MYH11: variants seen among roughly 807,000 people sequenced by gnomAD.
MYH11 encodes myosin-11.
Under a neutral mutation model 246.6 loss-of-function variants are expected in MYH11, and 80 were observed. The observed-to-expected ratio is 0.32, with a 90% confidence interval of 0.27 to 0.39. The LOEUF (loss-of-function observed/expected upper bound fraction) is 0.39, where lower values mean the gene tolerates loss of function less well. Ranked by LOEUF, MYH11 falls within the 10% of genes least tolerant of loss-of-function variation. The pLI, the probability that MYH11 is intolerant of heterozygous loss-of-function variation, is 1.00. For synonymous variants in MYH11, 1,071 were observed against 1,015.5 expected, an observed-to-expected ratio of 1.05 and a Z score of -1.04; for missense variants, 2,158 against 2,546.8, an observed-to-expected ratio of 0.85 and a Z score of 3.29.
intron 25 of MYH11, among the ~76,000 whole-genome samples, chr16:15,735,832 ATG>A (rs2041102436): frequency 6.6e-6 from 1 of 152,250 alleles, no homozygotes; most frequent in Non-Finnish European, 1.5e-5. Context: ...ACGTGTGTGC[ATG>A]TGTGTGCAAG....
At chr16:15,725,537 C>T (rs2040711111) in intron 28 of MYH11, 1 of 415,596 alleles carries the variant, frequency 2.4e-6, no homozygotes, top group South Asian at 9.9e-5. Flanking sequence ...CTTTTACTCC[C>T]TAGTGTCTCT....
At chr16:15,781,417 G>A (rs796588139) in intron 6 of MYH11, among the ~76,000 whole-genome samples, 1 of 152,178 alleles carries the variant, frequency 6.6e-6, no homozygotes, top group African/African-American at 2.4e-5. Context: ...ATGTGCATTT[G>A]CTCAGCAGAG....
In MYH11 at chr16:15,758,651, A is replaced by G. The variant is rs540680332; in HGVS notation, c.1402-651T>C. Among the ~76,000 whole-genome samples, 4 of 152,098 alleles carry G rather than the reference A, an allele frequency of 2.6e-5. No individual in the cohort carries two copies. In the South Asian group the frequency reaches 8.3e-4, roughly 32 times the overall value. ...AAACTCTGTCTCTACCAAAAAAAAA[A>G]AAAAAAGTAGCCAGGCATGGTGGCA... On this transcript the variant is annotated intron_variant, in intron 12 of 40. Transcript: ENST00000300036.
At chr16:15,781,904 T>C (rs995062129) in intron 6 of MYH11, among the ~76,000 whole-genome samples, 1 of 152,196 alleles carries the variant, frequency 6.6e-6, no homozygotes, top group African/African-American at 2.4e-5. Flanking sequence ...AGAGTAATTG[T>C]ACACAGTAGG....
At chr16:15,751,316 C>T (rs377360749) in intron 15 of MYH11, among the ~76,000 whole-genome samples, 4 of 152,020 alleles carry the variant, frequency 2.6e-5, no homozygotes, top group Admixed American at 6.6e-5. Flanking sequence ...TGCGCCACCA[C>T]GCCCGGCTCA....
intron 2 of MYH11, among the ~76,000 whole-genome samples, chr16:15,830,027 C>G (rs894713612): frequency 5.3e-5 from 8 of 151,928 alleles, no homozygotes; most frequent in African/African-American, 1.9e-4. Flanking sequence ...CCCAGCTACT[C>G]GGGAAGCTGA....
chr16:15,766,354 TG>T (rs2041981432), intron 9 of MYH11, among the ~76,000 whole-genome samples: 1 of 135,046 alleles, frequency 7.4e-6, no homozygotes, highest in African/African-American at 2.8e-5. Flanking sequence ...GGTGTGTGTG[TG>T]TGTGTGTGTG....
chr16:15,721,860 G>A (rs1326978102), intron 31 of MYH11, among the ~76,000 whole-genome samples: 1 of 151,928 alleles, frequency 6.6e-6, no homozygotes. Flanking sequence ...TTGTTGGTTT[G>A]TGTGTTTGTT....
At chr16:15,822,997 G>A (rs926178105) in intron 3 of MYH11, among the ~76,000 whole-genome samples, 4 of 152,278 alleles carry the variant, frequency 2.6e-5, no homozygotes, top group Non-Finnish European at 5.9e-5. Context: ...CAGCTGGCCC[G>A]ACGGGGACCT....
chr16:15,822,637 C>G (rs1461090536), intron 3 of MYH11, among the ~76,000 whole-genome samples: 1 of 152,182 alleles, frequency 6.6e-6, no homozygotes, highest in Non-Finnish European at 1.5e-5. Flanking sequence ...ATTGCTTGAG[C>G]CCAGGAGGCG....
chr16:15,839,870 G>A (rs111845166), intron 1 of MYH11, among the ~76,000 whole-genome samples: 2,744 of 152,102 alleles, frequency 0.018, 29 homozygotes, highest in Non-Finnish European at 0.022. Context: ...GCCCAATGTG[G>A]TAAAACCCCA....
At chr16:15,828,572 C>T (rs931663621) in intron 2 of MYH11, among the ~76,000 whole-genome samples, 1 of 152,150 alleles carries the variant, frequency 6.6e-6, no homozygotes. Flanking sequence ...GAGGTCAGAT[C>T]ACTTGAGGTC....
At chr16:15,722,837 G>A (rs982711872) in intron 31 of MYH11, among the ~76,000 whole-genome samples, 10 of 152,130 alleles carry the variant, frequency 6.6e-5, no homozygotes, top group Non-Finnish European at 1.5e-4. Flanking sequence ...ACCCCACCCT[G>A]GGTTCAAGCG....
chr16:15,834,574 CA>C (rs1418447677), intron 2 of MYH11, among the ~76,000 whole-genome samples: 2 of 150,936 alleles, frequency 1.3e-5, no homozygotes, highest in Admixed American at 6.6e-5. Flanking sequence ...GTCCACCATA[CA>C]AACAGCCCCA....
Position 15,735,359 on chromosome 16 carries a change from C to T in MYH11, c.3506+7G>A. 6.2e-7 allele frequency: 1 copy of T among 1,613,404 alleles called. No individual in the cohort carries two copies. The highest frequency in any genetic ancestry group is 8.5e-7 in the Non-Finnish European group (1 of 1,179,950). ...TAGCAGGATGGTGGGATTGATGGGCCCCTCACCTGAGCTCCTGCTGAGTGG... is the reference window on the plus strand; with the variant it reads ...TAGCAGGATGGTGGGATTGATGGGCTCCTCACCTGAGCTCCTGCTGAGTGG... On this transcript the variant is annotated splice_region_variant and intron_variant, in intron 26 of 40. Transcript: ENST00000300036.
chr16:15,738,023 T>G (rs1053541205), intron 24 of MYH11, among the ~76,000 whole-genome samples: 4 of 152,024 alleles, frequency 2.6e-5, no homozygotes, highest in African/African-American at 9.7e-5. Flanking sequence ...CTTGACCTCG[T>G]GATCCGCCCA....
intron 3 of MYH11, among the ~76,000 whole-genome samples, chr16:15,803,782 T>A (rs74449435): frequency 0.041 from 6,317 of 152,274 alleles, 235 homozygotes; most frequent in Admixed American, 0.11. Flanking sequence ...TAGGCTCAGA[T>A]GCTCACAGGG....
At chr16:15,824,281 C>CT (rs58481524) in intron 2 of MYH11, among the ~76,000 whole-genome samples, 192 of 144,092 alleles carry the variant, frequency 1.3e-3, no homozygotes, top group Middle Eastern at 3.6e-3. Flanking sequence ...ATGTTGTTTA[C>CT]TTTTTTTTTT....
intron 3 of MYH11, among the ~76,000 whole-genome samples, chr16:15,808,153 C>T (rs1303827125): frequency 1.3e-5 from 2 of 152,214 alleles, no homozygotes; most frequent in Admixed American, 6.5e-5. Flanking sequence ...ACCTAATGCC[C>T]CGCACGGAGG....
Sources: gnomAD v4.1 joint callset for allele counts (sites outside exome capture counted in the v4.1 genomes callset) on GRCh38, gnomAD v4.1.1 for gene constraint, MANE v1.5 for transcripts, NCBI Gene and HGNC (gene_info 2026-07-23, HGNC 2026-07-21) for gene names.